Variants in TYW1B observed in about 807,000 individuals in gnomAD.
The protein encoded by TYW1B is tRNA-yW synthesizing protein 1 homolog B, also known as S-adenosyl-L-methionine-dependent tRNA 4-demethylwyosine synthase TYW1B.
In TYW1B, 73 loss-of-function variants were observed where a neutral mutation model predicts 86.9. That is an observed-to-expected ratio of 0.84 (90% CI 0.70 to 1.02). The LOEUF is 1.02. Among genes scored for constraint, TYW1B ranks in the 50% least tolerant of loss-of-function variants. The pLI is 0.00. For missense variants in TYW1B, 637 were observed against 827.4 expected (o/e 0.77, Z 2.82); for synonymous variants, 248 against 292.8 (o/e 0.85, Z 1.56).
chr7:72,597,555 C>A (rs1242914970), intron 13 of TYW1B, among the ~76,000 whole-genome samples: 1 of 151,798 alleles, frequency 6.6e-6, no homozygotes. Flanking sequence ...AATAGACACA[C>A]CTCGTCTATG....
At position 72,815,430 on chromosome 7, in the gene TYW1B, C is replaced by T; in HGVS notation, c.187G>A (p.Ala63Thr). Residue 63 changes from alanine (A) to threonine (T), a missense_variant, in exon 3 of 14, where the codon GCC becomes ACC. Physicochemically the swap from Ala to Thr is moderately conservative, Grantham distance 58. Coordinates refer to ENST00000620995, the MANE Select transcript of TYW1B (RefSeq NM_001145440.3). ...TCATATTCTTTTAGATTAATAATGGCCACAGGCAGATCCAGGGACGTAACT... is the reference window on the plus strand; with the variant it reads ...TCATATTCTTTTAGATTAATAATGGTCACAGGCAGATCCAGGGACGTAACT... ...EAVTSLDLPV[A>T]IINLKEYDPD... 1 of 1,610,336 alleles carries T rather than the reference C, an allele frequency of 6.2e-7. No individual in the cohort carries two copies. The highest frequency in any genetic ancestry group is 8.5e-7 in the Non-Finnish European group (1 of 1,179,228).
At position 72,709,483 on chromosome 7, in the gene TYW1B, C is replaced by T. The variant is rs780719673; in HGVS notation, c.1370+4138G>A. On this transcript the variant is annotated intron_variant, in intron 10 of 13. Coordinates refer to ENST00000620995, the MANE Select transcript of TYW1B (RefSeq NM_001145440.3). ...GGAGATCGAGACCATCCTGCTAACA[C>T]GGTGAAACCCCTGTCTCTACTAAAA... is the stretch of plus-strand genomic sequence containing the variant. 4.9e-4 allele frequency among the ~76,000 whole-genome samples: 72 copies of T among 147,068 alleles called. 1 individual carries two copies. Among genetic ancestry groups the T allele is most frequent in the African/African-American group, 9.2e-4 (37 of 40,406 alleles).
At chr7:72,593,983 C>G (rs1811467684) in intron 13 of TYW1B, among the ~76,000 whole-genome samples, 1 of 151,584 alleles carries the variant, frequency 6.6e-6, no homozygotes, top group Non-Finnish European at 1.5e-5. Flanking sequence ...GAAAATGAAA[C>G]CACCACATAT....
chr7:72,603,803 CA>C (rs1367478125), intron 13 of TYW1B, among the ~76,000 whole-genome samples: 1 of 152,102 alleles, frequency 6.6e-6, no homozygotes, highest in Non-Finnish European at 1.5e-5. Flanking sequence ...AAACATCAGA[CA>C]AATTTCAATA....
chr7:72,741,285 TAAG>T (rs782642841), intron 8 of TYW1B, among the ~76,000 whole-genome samples: 11 of 151,856 alleles, frequency 7.2e-5, no homozygotes, highest in Non-Finnish European at 4.4e-5. Context: ...ATACAAATGA[TAAG>T]AAGGAACCAA....
At chr7:72,578,915 C>T (rs1231811466) in intron 13 of TYW1B, among the ~76,000 whole-genome samples, 4 of 151,974 alleles carry the variant, frequency 2.6e-5, no homozygotes, top group East Asian at 3.9e-4. Context: ...TTTGGTGTTT[C>T]GATTTCTAGG....
intron 13 of TYW1B, among the ~76,000 whole-genome samples, chr7:72,582,612 C>T (rs1247128375): frequency 6.6e-6 from 1 of 152,162 alleles, no homozygotes; most frequent in African/African-American, 2.4e-5. Flanking sequence ...CACGGGATCC[C>T]AGAGACATTT....
rs186749102 is a variant in TYW1B at position 72,619,256 on chromosome 7, G to C, written c.1618-2417C>G. Among the ~76,000 whole-genome samples, 104 of 152,298 alleles carry C rather than the reference G, an allele frequency of 6.8e-4. 1 individual carries two copies. Among genetic ancestry groups the C allele is most frequent in the Admixed American group, 5.3e-3 (81 of 15,296 alleles). On this transcript the variant is annotated intron_variant, in intron 12 of 13. Coordinates refer to ENST00000620995, the MANE Select transcript of TYW1B (RefSeq NM_001145440.3). ...CCCCTCAAAAACCCTATGTCAATTAGTATTGGCTTCCAGAGCATCAGGCAG... is the reference window on the plus strand; with the variant it reads ...CCCCTCAAAAACCCTATGTCAATTACTATTGGCTTCCAGAGCATCAGGCAG...
rs187563121 is a variant in TYW1B, at chr7:72,788,636, G to A, written c.847-11103C>T. 7.9e-5 allele frequency among the ~76,000 whole-genome samples: 12 copies of A among 151,672 alleles called. No homozygotes were observed. The East Asian group carries it at 2.0e-3, about 25-fold the overall frequency. On this transcript the variant is annotated intron_variant, in intron 6 of 13. Coordinates refer to ENST00000620995, the MANE Select transcript of TYW1B (RefSeq NM_001145440.3). ...CAACCTCCGCTTCCGGGGTTCAAGC[G>A]ATTCTCCTGTCTCAACCTCCCAAGT...
In TYW1B at chr7:72,643,173, T is replaced by C. The variant is rs540996093; in HGVS notation, c.1507-14176A>G. 2.6e-5 allele frequency among the ~76,000 whole-genome samples: 4 copies of C among 151,646 alleles called. No individual in the cohort carries two copies. The South Asian group carries it at 8.4e-4, about 32-fold the overall frequency. On this transcript the variant is annotated intron_variant, in intron 11 of 13. Transcript: ENST00000620995. Reference sequence around the variant, plus strand: ...GTTAAAAAGTAAGCAATAATATAAATATAAGAAAAAAGGAAACAAAAGAAC... The same window carrying C: ...GTTAAAAAGTAAGCAATAATATAAACATAAGAAAAAAGGAAACAAAAGAAC...
intron 13 of TYW1B, among the ~76,000 whole-genome samples, chr7:72,615,424 C>G (rs1279016906): frequency 2.2e-5 from 3 of 136,888 alleles, no homozygotes; most frequent in Admixed American, 7.3e-5. Flanking sequence ...AGATTCCATA[C>G]GGAAAAAGTG....
At chr7:72,810,900 T>C (rs1788598414) in intron 3 of TYW1B, among the ~76,000 whole-genome samples, 1 of 152,040 alleles carries the variant, frequency 6.6e-6, no homozygotes, top group South Asian at 2.1e-4. Flanking sequence ...TTTCATCATA[T>C]ACGCCATTCC....
intron 3 of TYW1B, among the ~76,000 whole-genome samples, chr7:72,815,116 C>T (rs1272137910): frequency 1.3e-5 from 2 of 150,960 alleles, no homozygotes; most frequent in African/African-American, 2.4e-5. Flanking sequence ...GAGTGAACTT[C>T]CAACCACCCA....
intron 13 of TYW1B, among the ~76,000 whole-genome samples, chr7:72,591,934 G>A (rs374593549): frequency 2.0e-5 from 3 of 151,524 alleles, no homozygotes; most frequent in Non-Finnish European, 2.9e-5. Context: ...AGGAATTCTC[G>A]TGCCTCAGCC....
chr7:72,716,631 CTGTTGT>C (rs138304885), intron 9 of TYW1B, among the ~76,000 whole-genome samples: 1 of 149,100 alleles, frequency 6.7e-6, no homozygotes, highest in Admixed American at 6.7e-5. Context: ...GGGGCTGTGG[CTGTTGT>C]TGTTGTTGTT....
intron 10 of TYW1B, among the ~76,000 whole-genome samples, chr7:72,702,404 T>C: frequency 6.6e-6 from 1 of 152,128 alleles, no homozygotes; most frequent in Non-Finnish European, 1.5e-5. Context: ...TTATTTTCTT[T>C]TGAAAGGGAG....
intron 11 of TYW1B, among the ~76,000 whole-genome samples, chr7:72,665,209 G>A (rs1813432840): frequency 6.6e-6 from 1 of 152,200 alleles, no homozygotes; most frequent in African/African-American, 2.4e-5. Context: ...GAAAGAAGAT[G>A]TGCCCTTCTT....
At chr7:72,589,426 C>G (rs1811345124) in intron 13 of TYW1B, among the ~76,000 whole-genome samples, 1 of 152,124 alleles carries the variant, frequency 6.6e-6, no homozygotes, top group Non-Finnish European at 1.5e-5. Flanking sequence ...CTCTGATGAT[C>G]TATTATTCAA....
intron 3 of TYW1B, among the ~76,000 whole-genome samples, chr7:72,812,334 GT>G (rs1554478511): frequency 6.6e-6 from 1 of 152,098 alleles, no homozygotes; most frequent in Non-Finnish European, 1.5e-5. Flanking sequence ...AGGAGGTCAG[GT>G]GCGAAATTTT....
Sources: allele counts gnomAD v4.1 joint callset (sites outside exome capture counted in the v4.1 genomes callset), GRCh38; gene constraint gnomAD v4.1.1; transcripts MANE v1.5; gene names NCBI Gene and HGNC (gene_info 2026-07-23, HGNC 2026-07-21).